Variants in CSMD1 observed in about 807,000 individuals in gnomAD.
CSMD1 encodes CUB and Sushi multiple domains 1.
Under a neutral mutation model 417.5 loss-of-function variants are expected in CSMD1, and 213 were observed. The observed-to-expected ratio is 0.51, with a 90% CI of 0.46 to 0.57. The LOEUF (loss-of-function observed/expected upper bound fraction) is 0.57. Ranked by LOEUF, CSMD1 falls within the 20% of genes least tolerant of loss-of-function variation. CSMD1 has a pLI of 0.00. For synonymous variants in CSMD1, 2,862 were observed against 1,736.8 expected, an observed-to-expected ratio of 1.65 and a Z score of -16.11; for missense variants, 6,923 against 4,529.7, an observed-to-expected ratio of 1.53 and a Z score of -15.17.
chr8:3,738,792 A>C (rs766921657), intron 6 of CSMD1, among the ~76,000 whole-genome samples: 5 of 152,234 alleles, frequency 3.3e-5, no homozygotes, highest in Non-Finnish European at 5.9e-5. Context: ...TGGGTGCACT[A>C]TACAGATAGG....
intron 3 of CSMD1, among the ~76,000 whole-genome samples, chr8:4,047,019 G>A (rs746957367): frequency 2.6e-5 from 4 of 152,182 alleles, no homozygotes; most frequent in Non-Finnish European, 5.9e-5. Flanking sequence ...GCCCTATAGG[G>A]TTGTGACATA....
At chr8:3,426,793 A>C (rs1813869439) in intron 12 of CSMD1, among the ~76,000 whole-genome samples, 2 of 152,244 alleles carry the variant, frequency 1.3e-5, no homozygotes, top group African/African-American at 4.8e-5. Flanking sequence ...GGTTGTGCCC[A>C]GTTAGTTTCC....
At chr8:3,570,713 A>G (rs1476531622) in intron 10 of CSMD1, among the ~76,000 whole-genome samples, 1 of 152,178 alleles carries the variant, frequency 6.6e-6, no homozygotes, top group Non-Finnish European at 1.5e-5. Flanking sequence ...TGTTAGTTAC[A>G]GCCAAAAATA....
chr8:4,427,237 C>G (rs897300544), intron 2 of CSMD1, among the ~76,000 whole-genome samples: 1 of 152,128 alleles, frequency 6.6e-6, no homozygotes, highest in Non-Finnish European at 1.5e-5. Flanking sequence ...CACGCCGTGC[C>G]CTGAATGGTC....
chr8:4,503,143 C>A (rs566243367), intron 2 of CSMD1, among the ~76,000 whole-genome samples: 4 of 152,060 alleles, frequency 2.6e-5, no homozygotes, highest in Admixed American at 6.6e-5. Flanking sequence ...GCTTTTTTTA[C>A]GTGAAGTGTG....
At chr8:3,604,168 G>C (rs528686053) in intron 8 of CSMD1, among the ~76,000 whole-genome samples, 62 of 152,300 alleles carry the variant, frequency 4.1e-4, no homozygotes, top group Admixed American at 1.7e-3. Flanking sequence ...ACGGGGCTCA[G>C]AATCTTGTGG....
At position 4,380,671 on chromosome 8, in the gene CSMD1, G is replaced by A. The variant is rs180917479; in HGVS notation, c.415+39282C>T. ...TATCAGTTCATTAATTGTGGCAAAT[G>A]GACCATACTAACATAAGACATTAAT... is the stretch of plus-strand genomic sequence containing the variant. On this transcript the variant is annotated intron_variant, in intron 3 of 69. Transcript: ENST00000635120. Among the ~76,000 whole-genome samples, 269 of 152,208 alleles carry A rather than the reference G, an allele frequency of 1.8e-3. 1 individual carries two copies. The highest frequency in any genetic ancestry group is 6.8e-3 in the Middle Eastern group (2 of 294).
intron 1 of CSMD1, among the ~76,000 whole-genome samples, chr8:4,979,003 A>T (rs750207440): frequency 6.6e-6 from 1 of 152,162 alleles, no homozygotes; most frequent in Non-Finnish European, 1.5e-5. Flanking sequence ...AACCTTAAAA[A>T]TCTACTTTGA....
intron 53 of CSMD1, among the ~76,000 whole-genome samples, 161 bp downstream of exon 53, chr8:2,999,797 C>A (rs889790425): frequency 6.6e-6 from 1 of 151,908 alleles, no homozygotes; most frequent in Non-Finnish European, 1.5e-5. Flanking sequence ...AAAGCGTGAA[C>A]ATGGCACCTC....
chr8:3,198,153 C>T (rs1015251110), intron 33 of CSMD1, among the ~76,000 whole-genome samples: 112 of 152,020 alleles, frequency 7.4e-4, no homozygotes, highest in African/African-American at 2.5e-3. Context: ...ACATGCCTAC[C>T]AAGGACAACA....
intron 2 of CSMD1, among the ~76,000 whole-genome samples, chr8:4,431,008 A>G (rs1409114660): frequency 6.6e-6 from 1 of 152,130 alleles, no homozygotes; most frequent in Non-Finnish European, 1.5e-5. Context: ...TTTTCTCTGG[A>G]AAGACTTCGC....
intron 17 of CSMD1, among the ~76,000 whole-genome samples, chr8:3,388,865 CCT>C (rs1811169127): frequency 6.6e-6 from 1 of 150,480 alleles, no homozygotes; most frequent in Admixed American, 6.7e-5. Context: ...CTCCTCCCTC[CCT>C]CTCTCTACAT....
intron 5 of CSMD1, among the ~76,000 whole-genome samples, chr8:3,796,518 TA>T (rs1363559486): frequency 6.9e-6 from 1 of 144,330 alleles, no homozygotes; most frequent in African/African-American, 2.5e-5. Context: ...TATATCTATA[TA>T]TCTATATCTA....
chr8:3,400,453 C>G (rs1043631563), intron 15 of CSMD1, among the ~76,000 whole-genome samples: 3 of 151,822 alleles, frequency 2.0e-5, no homozygotes, highest in Non-Finnish European at 4.4e-5. Flanking sequence ...ATCATTTTAG[C>G]CATGTTTTGA....
At chr8:4,885,352 A>G (rs1212116210) in intron 1 of CSMD1, among the ~76,000 whole-genome samples, 2 of 152,050 alleles carry the variant, frequency 1.3e-5, no homozygotes, top group African/African-American at 4.8e-5. Context: ...TATGCTTTCT[A>G]AAACCTCTAG....
At chr8:3,194,470 A>G (rs116511465) in intron 33 of CSMD1, among the ~76,000 whole-genome samples, 5,471 of 145,102 alleles carry the variant, frequency 0.038, 321 homozygotes, top group African/African-American at 0.13. Context: ...ATTTCATTTC[A>G]TTTTTGAGGT....
At chr8:4,812,779 A>G (rs895973347) in intron 1 of CSMD1, among the ~76,000 whole-genome samples, 13 of 152,186 alleles carry the variant, frequency 8.5e-5, no homozygotes, top group African/African-American at 3.1e-4. Context: ...GTTCTCATGC[A>G]TTTTTGTAGA....
intron 3 of CSMD1, among the ~76,000 whole-genome samples, chr8:4,141,839 G>A (rs1016965865): frequency 4.6e-5 from 7 of 150,876 alleles, no homozygotes; most frequent in Non-Finnish European, 8.8e-5. Flanking sequence ...ATCATTTATC[G>A]TGACTAACAG....
chr8:4,587,577 G>C (rs1407576650), intron 2 of CSMD1, among the ~76,000 whole-genome samples: 2 of 151,962 alleles, frequency 1.3e-5, no homozygotes, highest in African/African-American at 2.4e-5. Context: ...ACCTTTCCTA[G>C]ATGTGTAAAA....
Sources: gnomAD v4.1 joint callset for allele counts (sites outside exome capture counted in the v4.1 genomes callset) on GRCh38, gnomAD v4.1.1 for gene constraint, MANE v1.5 for transcripts, NCBI Gene and HGNC (gene_info 2026-07-23, HGNC 2026-07-21) for gene names.